PPFIBP2: variants seen among roughly 807,000 people sequenced by gnomAD.
PPFIBP2 encodes PPFIB scaffold protein 2.
PPFIBP2 carries 118 observed loss-of-function variants against 118.3 expected under a neutral mutation model. That is an observed-to-expected ratio of 1.00 (90% CI 0.86 to 1.16). PPFIBP2 has a LOEUF of 1.16. Ranked by LOEUF, PPFIBP2 falls within the 50% of genes most tolerant of loss-of-function variation. The pLI is 0.00. For missense variants in PPFIBP2, 1,195 were observed against 1,073.1 expected (o/e 1.11, Z -1.59); for synonymous variants, 414 against 397.4 (o/e 1.04, Z -0.50).
intron 23 of PPFIBP2, 60 bp downstream of exon 23, chr11:7,651,904 A>G (rs1854081330): frequency 5.4e-6 from 8 of 1,482,142 alleles, no homozygotes; most frequent in Non-Finnish European, 7.4e-6. Context: ...CACGCAGCAC[A>G]GCACCTGGCG....
At chr11:7,662,031 CTA>C (rs533541843), downstream of PPFIBP2, among the ~76,000 whole-genome samples, 869 of 140,984 alleles carry the variant, frequency 6.2e-3, 7 homozygotes, top group African/African-American at 0.022. Context: ...TATTTTGAGC[CTA>C]TGTGTGTCTC....
intron 2 of PPFIBP2, among the ~76,000 whole-genome samples, chr11:7,559,265 A>G (rs1039522967): frequency 6.6e-6 from 1 of 152,178 alleles, no homozygotes; most frequent in Non-Finnish European, 1.5e-5. Flanking sequence ...TTAGTGGTTT[A>G]TGGTGTCTTC....
intron 6 of PPFIBP2, among the ~76,000 whole-genome samples, chr11:7,613,490 T>G (rs945315364): frequency 1.3e-5 from 2 of 152,334 alleles, no homozygotes; most frequent in Admixed American, 6.5e-5. Flanking sequence ...CCTGTTTACC[T>G]TTTCTCATCA....
intron 3 of PPFIBP2, among the ~76,000 whole-genome samples, chr11:7,588,492 G>A (rs532867667): frequency 6.6e-6 from 1 of 152,350 alleles, no homozygotes; most frequent in East Asian, 1.9e-4. Context: ...AATTGCTCAA[G>A]CTGCACATTA....
chr11:7,651,048 AGCT>A, intron 22 of PPFIBP2, 83 bp downstream of exon 22: 3 of 1,422,062 alleles, frequency 2.1e-6, no homozygotes, highest in Admixed American at 2.1e-5. Flanking sequence ...AAGGCACAAA[AGCT>A]AACGAAAAAA....
intron 6 of PPFIBP2, among the ~76,000 whole-genome samples, chr11:7,612,675 G>A (rs56051737): frequency 0.12 from 18,064 of 152,228 alleles, 1,296 homozygotes; most frequent in African/African-American, 0.19. Flanking sequence ...TCTGGCCTCA[G>A]TCCTACCAGA....
intron 5 of PPFIBP2, among the ~76,000 whole-genome samples, chr11:7,601,367 G>A (rs1388914412): frequency 2.0e-5 from 3 of 152,136 alleles, no homozygotes; most frequent in African/African-American, 7.2e-5. Flanking sequence ...AGGTCCACAT[G>A]AGCCCACCTA....
intron 1 of PPFIBP2, among the ~76,000 whole-genome samples, chr11:7,523,129 T>C (rs1849910647): frequency 1.3e-5 from 2 of 152,150 alleles, no homozygotes; most frequent in Admixed American, 1.3e-4. Flanking sequence ...AGCTGTCCGA[T>C]GAGGAGTGAG....
intron 1 of PPFIBP2, 150 bp downstream of exon 1, chr11:7,514,271 C>T (rs1011698738): frequency 6.6e-6 from 1 of 152,306 alleles, no homozygotes; most frequent in African/African-American, 2.4e-5. Flanking sequence ...GAGCGTGTCC[C>T]AGGCTCGAGG....
intron 1 of PPFIBP2, among the ~76,000 whole-genome samples, chr11:7,520,566 C>A (rs2134249723): frequency 6.6e-6 from 1 of 151,364 alleles, no homozygotes; most frequent in African/African-American, 2.4e-5. Context: ...GTTTGAAATC[C>A]TCTGGTGGAT....
chr11:7,650,737 G>A (rs1853862044), intron 21 of PPFIBP2, 103 bp from the exon 22 acceptor site: 1 of 1,306,248 alleles, frequency 7.7e-7, no homozygotes, highest in Non-Finnish European at 1.0e-6. Context: ...TTCTATTGTT[G>A]TGATGCGTCT....
intron 3 of PPFIBP2, 118 bp from the exon 4 acceptor site, chr11:7,593,014 G>A: frequency 7.1e-7 from 1 of 1,398,670 alleles, no homozygotes; most frequent in Non-Finnish European, 9.6e-7. Flanking sequence ...GATTGGTTTT[G>A]TACATATAAT....
chr11:7,544,356 CTTCT>C (rs1462243475), intron 1 of PPFIBP2, among the ~76,000 whole-genome samples: 1 of 152,194 alleles, frequency 6.6e-6, no homozygotes, highest in African/African-American at 2.4e-5. Flanking sequence ...TCTGTGTCCA[CTTCT>C]TTCTTTCCTG....
chr11:7,638,610 G>T (rs141837715), intron 14 of PPFIBP2, among the ~76,000 whole-genome samples: 74 of 152,350 alleles, frequency 4.9e-4, no homozygotes, highest in African/African-American at 1.7e-3. Context: ...TTCCATTACT[G>T]TTGTGACTTG....
At chr11:7,529,077 A>G (rs1488227479) in intron 1 of PPFIBP2, among the ~76,000 whole-genome samples, 1 of 151,990 alleles carries the variant, frequency 6.6e-6, no homozygotes, top group Non-Finnish European at 1.5e-5. Flanking sequence ...CACTGAGAAG[A>G]CAGAGGAAAT....
chr11:7,565,521 C>T (rs766625380), intron 2 of PPFIBP2, 32 bp from the exon 3 acceptor site: 1 of 1,611,014 alleles, frequency 6.2e-7, no homozygotes, highest in Non-Finnish European at 8.5e-7. Flanking sequence ...GTCCACCCTT[C>T]TTACTGAGTT....
rs1006173519 is a variant in PPFIBP2, at chr11:7,602,777, A to AT, written c.486+5112dup. ...AGAGCTTCAGGGTTTAGGCAACTTC[A>AT]TTTTTTTTACTTTTAGGTGAGGTTG... is the stretch of plus-strand genomic sequence containing the variant. On this transcript the variant is annotated intron_variant, in intron 5 of 23. Coordinates refer to ENST00000299492, the MANE Select transcript of PPFIBP2 (RefSeq NM_003621.5). 9.2e-5 allele frequency among the ~76,000 whole-genome samples: 14 copies of AT among 151,994 alleles called. 1 individual carries two copies. The highest frequency in any genetic ancestry group is 5.8e-4 in the East Asian group (3 of 5,172).
intron 3 of PPFIBP2, among the ~76,000 whole-genome samples, chr11:7,573,321 C>G (rs537351897): frequency 6.6e-6 from 1 of 152,230 alleles, no homozygotes; most frequent in African/African-American, 2.4e-5. Flanking sequence ...AGTTAGCCCA[C>G]TGCATATTTC....
intron 2 of PPFIBP2, among the ~76,000 whole-genome samples, chr11:7,556,189 C>T (rs1024318963): frequency 2.0e-5 from 3 of 152,212 alleles, no homozygotes; most frequent in African/African-American, 4.8e-5. Flanking sequence ...GGTGCAGTGG[C>T]TAACGCTTGT....
Sources: allele counts gnomAD v4.1 joint callset (sites outside exome capture counted in the v4.1 genomes callset), GRCh38; gene constraint gnomAD v4.1.1; transcripts MANE v1.5; gene names NCBI Gene and HGNC (gene_info 2026-07-23, HGNC 2026-07-21).